Variants in PTPN9 observed in about 807,000 individuals in gnomAD.
PTPN9 encodes protein tyrosine phosphatase non-receptor type 9.
PTPN9 carries 26 observed loss-of-function variants against 69.8 expected under a neutral mutation model. The observed-to-expected ratio is 0.37, with a 90% CI of 0.27 to 0.52. The LOEUF (loss-of-function observed/expected upper bound fraction) is 0.52, where lower values mean the gene tolerates loss of function less well. PTPN9 is among the 20% of genes least tolerant of loss of function. The pLI, the probability that PTPN9 is intolerant of heterozygous loss-of-function variation, is 0.91. For missense variants in PTPN9, 549 were observed against 740.3 expected (o/e 0.74, Z 3.00); for synonymous variants, 274 against 272.5 (o/e 1.01, Z -0.05).
intron 9 of PTPN9, among the ~76,000 whole-genome samples, chr15:75,474,973 C>T (rs1320756827): frequency 6.6e-6 from 1 of 152,206 alleles, no homozygotes; most frequent in Non-Finnish European, 1.5e-5. Context: ...ATTTTCTACC[C>T]ATTTTCAAGT....
rs537618877 is a variant in PTPN9, at chr15:75,463,479, C to G, written c.*5290G>C. On this transcript the variant is annotated 3_prime_UTR_variant, in exon 13 of 13. Coordinates refer to ENST00000618819, the MANE Select transcript of PTPN9 (RefSeq NM_002833.4). ...CCTGGAGTCTGAGAGGGGCACTGTA[C>G]CGTTTTTTCCAACACCCCCAGCTAG... The G allele has an allele frequency of 6.6e-6, 1 of 152,156 alleles. No individual in the cohort carries two copies. Among genetic ancestry groups the G allele is most frequent in the South Asian group, 2.1e-4 (1 of 4,820 alleles). 9.4% of individuals were successfully genotyped at this position (152,156 alleles called of 1,614,324 possible). A position where few individuals can be genotyped will look rare whatever the true frequency, so the allele number is the denominator to read the frequency against.
intron 7 of PTPN9, among the ~76,000 whole-genome samples, chr15:75,502,379 C>T (rs1456693922): frequency 4.6e-5 from 7 of 151,198 alleles, no homozygotes; most frequent in Admixed American, 6.6e-5. Flanking sequence ...ACCTGGGAGG[C>T]GGAGGTTGCA....
intron 7 of PTPN9, among the ~76,000 whole-genome samples, chr15:75,498,888 G>T: frequency 6.6e-6 from 1 of 152,214 alleles, no homozygotes; most frequent in African/African-American, 2.4e-5. Context: ...AAACTGCACA[G>T]AACTAAATAC....
rs1040324271 is a variant in PTPN9, at chr15:75,465,971, G to A, written c.*2798C>T. 1.3e-5 allele frequency: 2 copies of A among 152,172 alleles called. No individual in the cohort carries two copies. The highest frequency in any genetic ancestry group is 2.9e-5 in the Non-Finnish European group (2 of 68,026). The allele number at this position is 152,172 out of a possible 1,614,324, so 9.4% of individuals were successfully genotyped here. ...TTCTTATGTTTGTGCACTCCCAAGA[G>A]AATGGAGGCTCATCTGGAGAAGGAA... On this transcript the variant is annotated 3_prime_UTR_variant, in exon 13 of 13. Coordinates refer to ENST00000618819, the MANE Select transcript of PTPN9 (RefSeq NM_002833.4).
At chr15:75,554,422 G>A (rs2075068479) in intron 1 of PTPN9, among the ~76,000 whole-genome samples, 1 of 151,866 alleles carries the variant, frequency 6.6e-6, no homozygotes, top group Non-Finnish European at 1.5e-5. Flanking sequence ...TCAAACTCCC[G>A]ACCTCAGGTG....
At chr15:75,542,648 G>T (rs1304073988) in intron 1 of PTPN9, among the ~76,000 whole-genome samples, 1 of 152,114 alleles carries the variant, frequency 6.6e-6, no homozygotes, top group African/African-American at 2.4e-5. Flanking sequence ...GAAGGGCTAA[G>T]GTTTATCAGC....
At chr15:75,560,934 G>A (rs1365801167) in intron 1 of PTPN9, among the ~76,000 whole-genome samples, 2 of 151,816 alleles carry the variant, frequency 1.3e-5, no homozygotes, top group Admixed American at 6.6e-5. Context: ...CAGGAGAATC[G>A]CTTGAACTCA....
At chr15:75,527,499 C>A (rs973053243) in intron 1 of PTPN9, among the ~76,000 whole-genome samples, 1 of 151,828 alleles carries the variant, frequency 6.6e-6, no homozygotes, top group African/African-American at 2.4e-5. Context: ...GGACTTAGTG[C>A]AGGTATGCAT....
At chr15:75,545,769 C>T (rs548010269) in intron 1 of PTPN9, among the ~76,000 whole-genome samples, 11 of 152,056 alleles carry the variant, frequency 7.2e-5, no homozygotes, top group South Asian at 2.1e-4. Flanking sequence ...GCCAACATGG[C>T]GAAACCCCGT....
chr15:75,530,947 T>C (rs1369531862), intron 1 of PTPN9, among the ~76,000 whole-genome samples: 2 of 128,326 alleles, frequency 1.6e-5, no homozygotes, highest in African/African-American at 5.8e-5. Flanking sequence ...ATATTTTATA[T>C]TATATATAAT....
chr15:75,504,778 C>T (rs1427688703), intron 7 of PTPN9, among the ~76,000 whole-genome samples: 6 of 141,186 alleles, frequency 4.2e-5, no homozygotes, highest in Admixed American at 1.4e-4. Context: ...CCCGGCCAGC[C>T]GCCCCGTCCG....
chr15:75,540,724 G>A (rs1197169621), intron 1 of PTPN9, among the ~76,000 whole-genome samples: 1 of 151,926 alleles, frequency 6.6e-6, no homozygotes, highest in African/African-American at 2.4e-5. Context: ...TGAGGTGGGA[G>A]GATTCCTTGA....
At position 75,529,217 on chromosome 15, in the gene PTPN9, C is replaced by T. The variant is rs540786567; in HGVS notation, c.64-1956G>A. 2.0e-5 allele frequency among the ~76,000 whole-genome samples: 3 copies of T among 152,192 alleles called. No homozygotes were observed. The East Asian group carries it at 5.8e-4, about 29-fold the overall frequency. ...GGCCAGGCTGGTCTCCAACTCCTGA[C>T]CTCATGATCCGTCCGCCTCGGCCTC... On this transcript the variant is annotated intron_variant, in intron 1 of 12. Coordinates refer to ENST00000618819, the MANE Select transcript of PTPN9 (RefSeq NM_002833.4).
At chr15:75,502,533 GTATA>G (rs746138084) in intron 7 of PTPN9, among the ~76,000 whole-genome samples, 1 of 151,662 alleles carries the variant, frequency 6.6e-6, no homozygotes, top group African/African-American at 2.4e-5. Context: ...GTGTGGGTGT[GTATA>G]TATATATGTA....
chr15:75,566,701 A>T (rs981834086), intron 1 of PTPN9, among the ~76,000 whole-genome samples: 1 of 151,656 alleles, frequency 6.6e-6, no homozygotes, highest in Non-Finnish European at 1.5e-5. Flanking sequence ...AGAAAGAAAC[A>T]TATGGGCTGG....
intron 7 of PTPN9, among the ~76,000 whole-genome samples, chr15:75,501,074 G>C (rs1179724924): frequency 1.3e-5 from 2 of 151,978 alleles, no homozygotes; most frequent in Admixed American, 1.3e-4. Context: ...TTCTTGATCT[G>C]ATTGACTTCT....
chr15:75,470,937 C>A, intron 10 of PTPN9, 107 bp from the exon 11 acceptor site: 1 of 1,322,344 alleles, frequency 7.6e-7, no homozygotes, highest in Non-Finnish European at 1.0e-6. Context: ...TCATCTCTTG[C>A]ATTGCTTCTA....
At chr15:75,541,443 G>A (rs2075008393) in intron 1 of PTPN9, among the ~76,000 whole-genome samples, 1 of 138,696 alleles carries the variant, frequency 7.2e-6, no homozygotes, top group South Asian at 2.3e-4. Flanking sequence ...GTCTCGCTCT[G>A]TCGCCCAGGC....
intron 1 of PTPN9, among the ~76,000 whole-genome samples, chr15:75,532,987 G>C (rs2141325970): frequency 6.6e-6 from 1 of 152,288 alleles, no homozygotes; most frequent in South Asian, 2.1e-4. Flanking sequence ...AGGGATAATT[G>C]AAATTCTCAA....
Sources: allele counts gnomAD v4.1 joint callset (sites outside exome capture counted in the v4.1 genomes callset), GRCh38; gene constraint gnomAD v4.1.1; transcripts MANE v1.5; gene names NCBI Gene and HGNC (gene_info 2026-07-23, HGNC 2026-07-21).